Variants in MICU1 observed in about 807,000 individuals in gnomAD.
MICU1 encodes calcium uptake protein 1, mitochondrial.
A neutral mutation model predicts 56.8 loss-of-function variants in MICU1; 45 were observed. That is an observed-to-expected ratio of 0.79 (90% CI 0.62 to 1.02). MICU1 has a LOEUF of 1.02. MICU1 is among the 50% of genes least tolerant of loss of function. The pLI, the probability that MICU1 is intolerant of heterozygous loss-of-function variation, is 0.00. For missense variants in MICU1, 504 were observed against 587.1 expected, an observed-to-expected ratio of 0.86 and a Z score of 1.46; for synonymous variants, 186 against 195.1, an observed-to-expected ratio of 0.95 and a Z score of 0.39.
chr10:72,598,080 T>C (rs1010397400), intron 1 of MICU1, among the ~76,000 whole-genome samples: 7 of 152,146 alleles, frequency 4.6e-5, no homozygotes, highest in African/African-American at 1.7e-4. Flanking sequence ...AGTTGAGAAT[T>C]AGTATTAGAG....
intron 6 of MICU1, among the ~76,000 whole-genome samples, chr10:72,492,692 G>T (rs11000329): frequency 0.071 from 10,774 of 151,394 alleles, 436 homozygotes; most frequent in Middle Eastern, 0.16. Flanking sequence ...GAACCCGGGA[G>T]GTGGAGGCTT....
At chr10:72,491,661 C>T (rs1866658991) in intron 6 of MICU1, among the ~76,000 whole-genome samples, 1 of 152,152 alleles carries the variant, frequency 6.6e-6, no homozygotes, top group Non-Finnish European at 1.5e-5. Flanking sequence ...GTTAATGTAA[C>T]TAATCTGGTC....
intron 1 of MICU1, among the ~76,000 whole-genome samples, chr10:72,576,225 C>CAAAAAAAAAAAAAAAAAAAAAAAAAACAA (rs34829939): frequency 1.5e-5 from 1 of 68,212 alleles, no homozygotes; most frequent in Non-Finnish European, 2.6e-5. Flanking sequence ...AAAAAAACAC[C>CAAAAAAAAAAAAAAAAAAAAAAAAAACAA]AAAAAAAAAA....
At chr10:72,517,270 G>C (rs1373890133) in intron 5 of MICU1, among the ~76,000 whole-genome samples, 1 of 152,060 alleles carries the variant, frequency 6.6e-6, no homozygotes. Context: ...TCCCACTACT[G>C]GGTATTTACT....
intron 1 of MICU1, among the ~76,000 whole-genome samples, chr10:72,574,969 T>A (rs941130285): frequency 1.3e-5 from 2 of 152,232 alleles, no homozygotes; most frequent in Admixed American, 6.5e-5. Flanking sequence ...GAATGTCTAG[T>A]AATAAACCTT....
At chr10:72,479,648 C>T (rs1866229658) in intron 6 of MICU1, among the ~76,000 whole-genome samples, 1 of 152,174 alleles carries the variant, frequency 6.6e-6, no homozygotes. Context: ...GCCTCAGCCT[C>T]TGGAGTAGCT....
chr10:72,438,085 C>T (rs1301198752), intron 8 of MICU1, among the ~76,000 whole-genome samples: 1 of 152,204 alleles, frequency 6.6e-6, no homozygotes, highest in Non-Finnish European at 1.5e-5. Flanking sequence ...CCCAAATCAA[C>T]AGAATATACA....
intron 8 of MICU1, among the ~76,000 whole-genome samples, chr10:72,452,560 G>GT (rs1865331652): frequency 6.6e-6 from 1 of 152,128 alleles, no homozygotes; most frequent in African/African-American, 2.4e-5. Flanking sequence ...AGATGATGGT[G>GT]TATATGTTTA....
At position 72,547,037 on chromosome 10, in the gene MICU1, G is replaced by A. The variant is rs554831842; in HGVS notation, c.493+4142C>T. 1.3e-3 allele frequency among the ~76,000 whole-genome samples: 198 copies of A among 151,916 alleles called. 1 individual carries two copies. The highest frequency in any genetic ancestry group is 4.1e-3 in the African/African-American group (169 of 41,418). On this transcript the variant is annotated intron_variant, in intron 4 of 11. Coordinates refer to ENST00000361114, the MANE Select transcript of MICU1 (RefSeq NM_001195518.2). ...CTCCCGAGTAGCTGGGACTACAGGC[G>A]CTCGCCACCATGTCCAGCTAATTTT...
intron 6 of MICU1, among the ~76,000 whole-genome samples, chr10:72,490,486 A>G (rs1470645020): frequency 6.6e-6 from 1 of 152,204 alleles, no homozygotes; most frequent in Non-Finnish European, 1.5e-5. Context: ...AGAGGCTGAT[A>G]CTACCTGTGG....
At chr10:72,530,589 C>A (rs1427542034) in intron 5 of MICU1, among the ~76,000 whole-genome samples, 1 of 151,882 alleles carries the variant, frequency 6.6e-6, no homozygotes, top group Non-Finnish European at 1.5e-5. Flanking sequence ...TTATACGAGA[C>A]CTATGATAGT....
intron 8 of MICU1, among the ~76,000 whole-genome samples, chr10:72,450,385 C>T (rs1038883356): frequency 5.9e-5 from 9 of 151,598 alleles, no homozygotes; most frequent in African/African-American, 1.7e-4. Context: ...CGTAGTTAGG[C>T]GGCAACTGAA....
chr10:72,457,693 G>A (rs1865514432), intron 8 of MICU1, among the ~76,000 whole-genome samples: 1 of 151,878 alleles, frequency 6.6e-6, no homozygotes, highest in African/African-American at 2.4e-5. Context: ...GGGGTGGGAG[G>A]GAGAGGGAGA....
chr10:72,524,831 T>C, intron 5 of MICU1: 7 of 874,260 alleles, frequency 8.0e-6, no homozygotes, highest in Non-Finnish European at 9.1e-6. Context: ...TCACAAAACA[T>C]AATATACAAA....
chr10:72,559,431 A>G (rs901204610), intron 3 of MICU1, among the ~76,000 whole-genome samples: 4 of 151,814 alleles, frequency 2.6e-5, no homozygotes, highest in Non-Finnish European at 5.9e-5. Context: ...TACAGACTAT[A>G]TAATTTTATA....
intron 6 of MICU1, among the ~76,000 whole-genome samples, chr10:72,502,514 C>T (rs1867112366): frequency 6.6e-6 from 1 of 152,208 alleles, no homozygotes. Flanking sequence ...CCCACAGCAT[C>T]TGGCTGATGC....
chr10:72,471,683 T>C (rs1865956777), intron 8 of MICU1, among the ~76,000 whole-genome samples: 2 of 152,208 alleles, frequency 1.3e-5, no homozygotes, highest in Admixed American at 1.3e-4. Flanking sequence ...CTCTGTTTAA[T>C]TGTAATTACA....
chr10:72,505,066 C>T lies in MICU1; in HGVS notation c.652+3089G>A, dbSNP rs372366017. 2.6e-4 allele frequency among the ~76,000 whole-genome samples: 39 copies of T among 150,402 alleles called. No individual in the cohort carries two copies. In the East Asian group the frequency reaches 5.9e-3, roughly 23 times the overall value. ...TCGGCTCACTGCAACCTCCACCTCC[C>T]GGGTTCAAGTGATTCTCCTGCCTTA... On this transcript the variant is annotated intron_variant, in intron 6 of 11. Coordinates refer to ENST00000361114, the MANE Select transcript of MICU1 (RefSeq NM_001195518.2).
intron 10 of MICU1, among the ~76,000 whole-genome samples, chr10:72,403,322 C>T (rs980159105): frequency 2.0e-5 from 3 of 151,818 alleles, no homozygotes; most frequent in Non-Finnish European, 4.4e-5. Flanking sequence ...CACGCCACTG[C>T]ACTCCAGCCT....
Sources: allele counts gnomAD v4.1 joint callset (sites outside exome capture counted in the v4.1 genomes callset), GRCh38; gene constraint gnomAD v4.1.1; transcripts MANE v1.5; gene names NCBI Gene and HGNC (gene_info 2026-07-23, HGNC 2026-07-21).